Variants in GPR176 observed in about 807,000 individuals in gnomAD.
GPR176 encodes G protein-coupled receptor 176.
In GPR176, 26 loss-of-function variants were observed where a neutral mutation model predicts 35.4. The ratio of observed to expected loss-of-function variants is 0.74; its 90% CI spans 0.54 to 1.02. The LOEUF is 1.02. GPR176 is among the 50% of genes least tolerant of loss of function. The probability of loss-of-function intolerance (pLI) is 0.00; values close to 1 mark genes in which losing one functional copy is unlikely to be tolerated. For missense variants in GPR176, 597 were observed against 665.3 expected, an observed-to-expected ratio of 0.90 and a Z score of 1.13; for synonymous variants, 278 against 271.3, an observed-to-expected ratio of 1.02 and a Z score of -0.24.
chr15:39,865,665 G>T, intron 1 of GPR176, among the ~76,000 whole-genome samples: 1 of 152,004 alleles, frequency 6.6e-6, no homozygotes, highest in East Asian at 1.9e-4. Flanking sequence ...TGATCTATGC[G>T]TGTAACAAAA....
At chr15:39,863,965 T>C (rs536084968) in intron 1 of GPR176, among the ~76,000 whole-genome samples, 9 of 152,330 alleles carry the variant, frequency 5.9e-5, no homozygotes, top group South Asian at 2.1e-4. Flanking sequence ...GAGTGTAAGA[T>C]TGCCACTGCA....
rs747532166 is a variant in GPR176 at position 39,802,152 on chromosome 15, A to C, written c.528T>G (p.Pro176=). 17 of 1,614,088 alleles carry C rather than the reference A, an allele frequency of 1.1e-5. No homozygotes were observed. In the East Asian group the frequency reaches 3.8e-4, roughly 36 times the overall value. Residue 176 remains proline (P), a synonymous_variant, in exon 3 of 3, where the codon CCT becomes CCG. Transcript: ENST00000561100. ...IWAHAVVASV[P]VFAVTNVADI... is the part of the protein sequence containing the mutation. ...CAGCCACATTGGTTACTGCAAACAC[A>C]GGGACACTGGCCACCACTGCATGGG...
intron 1 of GPR176, among the ~76,000 whole-genome samples, chr15:39,897,447 T>G (rs771722865): frequency 6.6e-6 from 1 of 152,188 alleles, no homozygotes; most frequent in Admixed American, 6.5e-5. Context: ...AACACACACA[T>G]TAAGGCCACT....
chr15:39,881,988 A>C (rs1295266145), intron 1 of GPR176, among the ~76,000 whole-genome samples: 1 of 152,208 alleles, frequency 6.6e-6, no homozygotes, highest in Non-Finnish European at 1.5e-5. Context: ...AGATTTCATA[A>C]CATTTTCAAA....
At chr15:39,870,272 T>C (rs115842534) in intron 1 of GPR176, among the ~76,000 whole-genome samples, 2,200 of 152,280 alleles carry the variant, frequency 0.014, 54 homozygotes, top group African/African-American at 0.051. Flanking sequence ...AGATCCTTTA[T>C]TTGATCACAT....
At chr15:39,918,824 C>A (rs1292835006) in intron 1 of GPR176, among the ~76,000 whole-genome samples, 1 of 152,152 alleles carries the variant, frequency 6.6e-6, no homozygotes, top group Admixed American at 6.5e-5. Context: ...ATCTGAAATT[C>A]TTCTAAAAAT....
intron 1 of GPR176, among the ~76,000 whole-genome samples, chr15:39,827,678 A>C (rs570705064): frequency 6.6e-6 from 1 of 152,352 alleles, no homozygotes; most frequent in African/African-American, 2.4e-5. Flanking sequence ...TCTGAAAGGT[A>C]GGTTGGCAGT....
intron 1 of GPR176, among the ~76,000 whole-genome samples, chr15:39,838,231 T>G (rs569869642): frequency 8.5e-5 from 13 of 152,250 alleles, no homozygotes; most frequent in African/African-American, 3.1e-4. Flanking sequence ...AATGAATCTC[T>G]AAGTAATCTG....
chr15:39,843,041 T>C (rs2030141397), intron 1 of GPR176, among the ~76,000 whole-genome samples: 1 of 151,120 alleles, frequency 6.6e-6, no homozygotes, highest in East Asian at 1.9e-4. Context: ...GGATTCACAC[T>C]ATTAAAAAAA....
At chr15:39,894,000 G>C (rs2032988865) in intron 1 of GPR176, among the ~76,000 whole-genome samples, 1 of 71,612 alleles carries the variant, frequency 1.4e-5, no homozygotes, top group Non-Finnish European at 2.9e-5. Flanking sequence ...GGCTGGCCTG[G>C]CAGAGGGGCT....
At chr15:39,900,540 C>T (rs1175608321) in intron 1 of GPR176, among the ~76,000 whole-genome samples, 5 of 152,196 alleles carry the variant, frequency 3.3e-5, no homozygotes, top group African/African-American at 7.2e-5. Flanking sequence ...AAGCTGCCCA[C>T]GTACTCCCGT....
At chr15:39,811,643 G>A (rs138518563) in intron 1 of GPR176, among the ~76,000 whole-genome samples, 2 of 152,272 alleles carry the variant, frequency 1.3e-5, no homozygotes, top group African/African-American at 4.8e-5. Flanking sequence ...GATTCGGGGT[G>A]TGGTGGCTCA....
chr15:39,874,870 C>T (rs2032184705), intron 1 of GPR176, among the ~76,000 whole-genome samples: 1 of 152,016 alleles, frequency 6.6e-6, no homozygotes, highest in Non-Finnish European at 1.5e-5. Flanking sequence ...ATGAAGAAAC[C>T]CTGTCTCTAC....
rs77050584 is a variant in GPR176, at chr15:39,909,835, T to C, written c.172+10020A>G. ...TTTTTTTCACAACCAACATAATAAC[T>C]GTAAATTTGGTAATCTTGAGGTTTT... is the stretch of plus-strand genomic sequence containing the variant. On this transcript the variant is annotated intron_variant, in intron 1 of 2. Coordinates refer to ENST00000561100, the MANE Select transcript of GPR176 (RefSeq NM_007223.3). 583 of 801,688 alleles carry C rather than the reference T, an allele frequency of 7.3e-4. 7 individuals are homozygous for C. In the East Asian group the frequency reaches 0.031, roughly 42 times the overall value. The allele number at this position is 801,688 out of a possible 1,614,324, so 49.7% of individuals were successfully genotyped here.
chr15:39,847,098 T>C (rs910425496), intron 1 of GPR176, among the ~76,000 whole-genome samples: 4 of 152,118 alleles, frequency 2.6e-5, no homozygotes, highest in Admixed American at 2.0e-4. Flanking sequence ...TATATGTGTT[T>C]AATAGATTGC....
intron 1 of GPR176, among the ~76,000 whole-genome samples, chr15:39,833,517 T>G (rs1901222467): frequency 6.6e-6 from 1 of 152,140 alleles, no homozygotes; most frequent in Non-Finnish European, 1.5e-5. Flanking sequence ...TGGGGGGACA[T>G]GTGGATACTA....
chr15:39,915,761 C>T (rs940456918), intron 1 of GPR176, among the ~76,000 whole-genome samples: 1 of 152,078 alleles, frequency 6.6e-6, no homozygotes, highest in African/African-American at 2.4e-5. Flanking sequence ...CACCTGTAAT[C>T]CCAGCTACTT....
At chr15:39,802,655 G>T (rs1465615413) in intron 2 of GPR176, among the ~76,000 whole-genome samples, 1 of 152,166 alleles carries the variant, frequency 6.6e-6, no homozygotes, top group East Asian at 1.9e-4. Flanking sequence ...AGGGTAATTG[G>T]TAAACAATTT....
At chr15:39,812,917 TAG>T (rs1243563791) in intron 1 of GPR176, among the ~76,000 whole-genome samples, 1 of 151,798 alleles carries the variant, frequency 6.6e-6, no homozygotes, top group Non-Finnish European at 1.5e-5. Flanking sequence ...CTAATTTTTG[TAG>T]AGACAGGGTC....
Sources: gnomAD v4.1 joint callset for allele counts (sites outside exome capture counted in the v4.1 genomes callset) on GRCh38, gnomAD v4.1.1 for gene constraint, MANE v1.5 for transcripts, NCBI Gene and HGNC (gene_info 2026-07-23, HGNC 2026-07-21) for gene names.